KLHL32: variants seen among roughly 807,000 people sequenced by gnomAD.
KLHL32 encodes kelch-like protein 32.
Under a neutral mutation model 64.8 loss-of-function variants are expected in KLHL32, and 35 were observed. The ratio of observed to expected loss-of-function variants is 0.54; its 90% confidence interval spans 0.41 to 0.72. The LOEUF (loss-of-function observed/expected upper bound fraction) is 0.72. KLHL32 is among the 30% of genes least tolerant of loss of function. The pLI is 0.00. For missense variants in KLHL32, 589 were observed against 768.5 expected (o/e 0.77, Z 2.76); for synonymous variants, 259 against 281.0 (o/e 0.92, Z 0.78).
intron 6 of KLHL32, among the ~76,000 whole-genome samples, chr6:97,101,944 C>T (rs1157322596): frequency 6.6e-6 from 1 of 152,184 alleles, no homozygotes. Flanking sequence ...GGAATACCTT[C>T]ATCTCTTGGA....
chr6:96,968,357 GCAAAAAA>G (rs1011559959), intron 2 of KLHL32, among the ~76,000 whole-genome samples: 100 of 150,730 alleles, frequency 6.6e-4, no homozygotes, highest in African/African-American at 1.8e-3. Context: ...GCCCCCTACA[GCAAAAAA>G]CAAAAAACAA....
In KLHL32 at chr6:96,973,730, C is replaced by CTT. The variant is rs558193523; in HGVS notation, c.24-2257_24-2256dup. 1.9e-4 allele frequency among the ~76,000 whole-genome samples: 23 copies of CTT among 118,254 alleles called. 1 individual carries two copies. Among genetic ancestry groups the CTT allele is most frequent in the Non-Finnish European group, 3.5e-4 (20 of 57,416 alleles). 77.6% of individuals were successfully genotyped at this position (118,254 alleles called of 152,430 possible). The stretch of plus-strand genomic sequence containing the variant: ...GATTTTTGAGATCTTTACAGATTGC[C>CTT]TTTTTTTTTTTAGACAGAGTCTCGC... On this transcript the variant is annotated intron_variant, in intron 2 of 10. Transcript: ENST00000369261.
In KLHL32 at chr6:97,104,744, G is replaced by A. The variant is rs78233888; in HGVS notation, c.628-9039G>A. ...GCAGTTTTAATTATAGCACTCAGGT[G>A]AGCACTGTTATAATTTTTAATATTC... On this transcript the variant is annotated intron_variant, in intron 6 of 10. Coordinates refer to ENST00000369261, the MANE Select transcript of KLHL32 (RefSeq NM_052904.4). Among the ~76,000 whole-genome samples the A allele has an allele frequency of 4.0e-4, 61 of 152,308 alleles. No homozygotes were observed. The East Asian group carries it at 0.011, about 27-fold the overall frequency.
At chr6:96,966,580 TTTTAA>T in intron 1 of KLHL32, among the ~76,000 whole-genome samples, 1 of 152,210 alleles carries the variant, frequency 6.6e-6, no homozygotes, top group Non-Finnish European at 1.5e-5. Context: ...AGGTACTTGA[TTTTAA>T]TTTAATTCCA....
At chr6:96,940,376 A>G (rs1000977464) in intron 1 of KLHL32, among the ~76,000 whole-genome samples, 1 of 152,226 alleles carries the variant, frequency 6.6e-6, no homozygotes, top group African/African-American at 2.4e-5. Context: ...AAGTGTAGCC[A>G]GAGAGGAAGG....
intron 6 of KLHL32, among the ~76,000 whole-genome samples, chr6:97,104,578 G>A (rs1167337760): frequency 6.6e-6 from 1 of 151,806 alleles, no homozygotes; most frequent in East Asian, 1.9e-4. Flanking sequence ...ATGAGCCTCG[G>A]GCCTCATCAG....
chr6:97,044,901 T>G (rs1222971320), intron 4 of KLHL32, among the ~76,000 whole-genome samples: 2 of 152,050 alleles, frequency 1.3e-5, no homozygotes, highest in Non-Finnish European at 2.9e-5. Flanking sequence ...ATCTTCTCGT[T>G]TTTTTTCTTA....
At chr6:97,046,368 C>T (rs748835107) in intron 4 of KLHL32, among the ~76,000 whole-genome samples, 2 of 151,888 alleles carry the variant, frequency 1.3e-5, no homozygotes, top group Non-Finnish European at 1.5e-5. Flanking sequence ...GTCTGTTGTT[C>T]GTTTTTTATT....
rs912418728 is a variant in KLHL32 at position 97,128,967 on chromosome 6, A to G, written c.1413+1505A>G. Among the ~76,000 whole-genome samples, 2 of 152,250 alleles carry G rather than the reference A, an allele frequency of 1.3e-5. 1 individual carries two copies. The stretch of plus-strand genomic sequence containing the variant: ...GAAAACACCTAAGAAAAGCGTCCTC[A>G]GAGTTTTGAGTTAAATACATTCATG... On this transcript the variant is annotated intron_variant, in intron 8 of 10. Transcript: ENST00000369261.
chr6:97,017,237 G>C (rs547995889), intron 3 of KLHL32, among the ~76,000 whole-genome samples: 2 of 152,216 alleles, frequency 1.3e-5, no homozygotes, highest in Non-Finnish European at 2.9e-5. Context: ...ATGTCCTTGA[G>C]ATTTAGGAGA....
rs536866630 is a variant in KLHL32, at chr6:97,075,157, C to T, written c.412-9969C>T. On this transcript the variant is annotated intron_variant, in intron 5 of 10. Transcript: ENST00000369261. ...ACCTAATTGTAGAATTCCTCTGTTACACAGCACAAATGTATTTAAATAGGC... is the reference window on the plus strand; with the variant it reads ...ACCTAATTGTAGAATTCCTCTGTTATACAGCACAAATGTATTTAAATAGGC... 5.3e-5 allele frequency among the ~76,000 whole-genome samples: 8 copies of T among 152,272 alleles called. No homozygotes were observed. The South Asian group carries it at 1.5e-3, about 28-fold the overall frequency.
intron 1 of KLHL32, among the ~76,000 whole-genome samples, chr6:96,937,083 T>C (rs1770700831): frequency 1.3e-5 from 2 of 152,162 alleles, no homozygotes; most frequent in Admixed American, 1.3e-4. Flanking sequence ...GAGGGAAAAC[T>C]TACATATCAT....
At chr6:97,121,743 G>A (rs898615236) in intron 7 of KLHL32, among the ~76,000 whole-genome samples, 1 of 152,154 alleles carries the variant, frequency 6.6e-6, no homozygotes, top group Non-Finnish European at 1.5e-5. Flanking sequence ...GATGGGTCTA[G>A]TAAAAGACGG....
At chr6:97,099,612 G>A (rs558140509) in intron 6 of KLHL32, among the ~76,000 whole-genome samples, 5 of 152,160 alleles carry the variant, frequency 3.3e-5, no homozygotes, top group South Asian at 2.1e-4. Context: ...ACTATCAGGC[G>A]GCTGGTTCTC....
intron 3 of KLHL32, chr6:96,994,741 A>T (rs1778239315): frequency 1.6e-6 from 1 of 638,040 alleles, no homozygotes; most frequent in Non-Finnish European, 1.9e-6. Context: ...CAGCCAGATA[A>T]TAATGCTTTA....
intron 6 of KLHL32, among the ~76,000 whole-genome samples, chr6:97,098,531 T>G (rs1295850457): frequency 2.0e-5 from 3 of 152,226 alleles, no homozygotes; most frequent in Non-Finnish European, 4.4e-5. Context: ...ACATTATTTT[T>G]TTCTTGCTTT....
chr6:97,139,006 G>C, intron 10 of KLHL32, 115 bp from the exon 11 acceptor site: 1 of 921,278 alleles, frequency 1.1e-6, no homozygotes, highest in Admixed American at 2.7e-5. Context: ...GAATTCCTAA[G>C]ATATGGTGAT....
chr6:96,922,405 G>A (rs1768778740), upstream of KLHL32, among the ~76,000 whole-genome samples: 2 of 151,994 alleles, frequency 1.3e-5, no homozygotes, highest in South Asian at 4.2e-4. Flanking sequence ...ATCTAGCTAG[G>A]CTTCCCATCA....
In KLHL32 at chr6:97,139,470, C is replaced by G. The variant is rs1326541117; in HGVS notation, c.*188C>G. On this transcript the variant is annotated 3_prime_UTR_variant, in exon 11 of 11. Transcript: ENST00000369261. ...ACTCGTCACCCTTCTCAGTGTATGT[C>G]AACATTCAATATGTATGACTTTTAT... The G allele has an allele frequency of 1.8e-6, 1 of 567,272 alleles. No individual in the cohort carries two copies. The highest frequency in any genetic ancestry group is 3.1e-6 in the Non-Finnish European group (1 of 321,994). 35.1% of individuals were successfully genotyped at this position (567,272 alleles called of 1,614,324 possible). A position where few individuals can be genotyped will look rare whatever the true frequency, so the allele number is the denominator to read the frequency against.
Sources: allele counts gnomAD v4.1 joint callset (sites outside exome capture counted in the v4.1 genomes callset), GRCh38; gene constraint gnomAD v4.1.1; transcripts MANE v1.5; gene names NCBI Gene and HGNC (gene_info 2026-07-23, HGNC 2026-07-21).